KCNK9: variants seen among roughly 807,000 people sequenced by gnomAD.
KCNK9 encodes the protein potassium channel subfamily K member 9.
A neutral mutation model predicts 10.8 loss-of-function variants in KCNK9; 1 was observed. That is an observed-to-expected ratio of 0.09 (90% CI 0.03 to 0.44). The LOEUF (loss-of-function observed/expected upper bound fraction) is 0.44. Among genes scored for constraint, KCNK9 ranks in the 20% least tolerant of loss-of-function variants. The pLI, the probability that KCNK9 is intolerant of heterozygous loss-of-function variation, is 0.97. For missense variants in KCNK9, 303 were observed against 515.0 expected (o/e 0.59, Z 3.98); for synonymous variants, 231 against 222.7 (o/e 1.04, Z -0.33).
Position 139,687,491 on chromosome 8 carries a change from C to CATATATATGTGTAT in KCNK9, c.283+15218_283+15219insATACACATATATAT, listed in dbSNP as rs1563751878. On this transcript the variant is annotated intron_variant, in intron 1 of 1. Coordinates refer to ENST00000520439, the MANE Select transcript of KCNK9 (RefSeq NM_001282534.2). ...ATTCATATATATGTATACATATATA[C>CATATATATGTGTAT]ACATATATACATATATATGTATACA... 2.7e-3 allele frequency among the ~76,000 whole-genome samples: 87 copies of CATATATATGTGTAT among 32,036 alleles called. 17 individuals are homozygous for CATATATATGTGTAT. The highest frequency in any genetic ancestry group is 4.2e-3 in the Non-Finnish European group (55 of 13,040). The allele number at this position is 32,036 out of a possible 152,430, so 21.0% of individuals were successfully genotyped here.
chr8:139,601,276 TTTAAG>T (rs1817361536), exon 3 of KCNK9: 1 of 152,244 alleles, frequency 6.6e-6, no homozygotes, highest in Non-Finnish European at 1.5e-5. Context: ...TGGCCCGGCC[TTTAAG>T]AGGTTGTCTG....
intron 1 of KCNK9, among the ~76,000 whole-genome samples, chr8:139,669,184 C>T (rs993250271): frequency 5.9e-5 from 9 of 151,826 alleles, no homozygotes; most frequent in Non-Finnish European, 7.4e-5. Flanking sequence ...GGTGAAAAGT[C>T]TTGTCTTCAT....
intron 1 of KCNK9, among the ~76,000 whole-genome samples, chr8:139,694,222 C>G (rs981081906): frequency 6.6e-6 from 1 of 152,198 alleles, no homozygotes; most frequent in African/African-American, 2.4e-5. Flanking sequence ...CAAGAGTGGA[C>G]AGAGCACAAC....
rs1816829895 is a variant in KCNK9, at chr8:139,687,502, A to ATATATTCG, written c.283+15207_283+15208insCGAATATA. 2.9e-4 allele frequency among the ~76,000 whole-genome samples: 11 copies of ATATATTCG among 37,550 alleles called. 3 individuals are homozygous for ATATATTCG. Among genetic ancestry groups the ATATATTCG allele is most frequent in the African/African-American group, 7.6e-4 (10 of 13,104 alleles). The allele number at this position is 37,550 out of a possible 152,430, so 24.6% of individuals were successfully genotyped here. A position where few individuals can be genotyped will look rare whatever the true frequency, so the allele number is the denominator to read the frequency against. ...TGTATACATATATACACATATATAC[A>ATATATTCG]TATATATGTATACACATATATTCAT... On this transcript the variant is annotated intron_variant, in intron 1 of 1. Coordinates refer to ENST00000520439, the MANE Select transcript of KCNK9 (RefSeq NM_001282534.2).
intron 1 of KCNK9, among the ~76,000 whole-genome samples, chr8:139,649,628 C>T (rs1435589480): frequency 3.9e-5 from 6 of 152,204 alleles, no homozygotes; most frequent in African/African-American, 7.2e-5. Flanking sequence ...ATACACTCCC[C>T]TGCTCAAAAG....
intron 1 of KCNK9, among the ~76,000 whole-genome samples, chr8:139,683,358 C>T (rs1049443711): frequency 5.3e-5 from 8 of 152,192 alleles, no homozygotes; most frequent in African/African-American, 1.9e-4. Context: ...GCTGTTCTCA[C>T]TCTGAGGTGC....
At chr8:139,686,480 A>G (rs969478331) in intron 1 of KCNK9, among the ~76,000 whole-genome samples, 2 of 152,252 alleles carry the variant, frequency 1.3e-5, no homozygotes, top group Admixed American at 6.5e-5. Context: ...TCTCGAAAGA[A>G]GACATTTATG....
At chr8:139,670,784 T>C (rs992300773) in intron 1 of KCNK9, among the ~76,000 whole-genome samples, 8 of 152,308 alleles carry the variant, frequency 5.3e-5, no homozygotes, top group Middle Eastern at 3.4e-3. Context: ...TAATTATGTA[T>C]TATTGATGTG....
chr8:139,679,040 A>G (rs80199366), intron 1 of KCNK9, among the ~76,000 whole-genome samples: 41 of 152,222 alleles, frequency 2.7e-4, no homozygotes, highest in African/African-American at 9.4e-4. Flanking sequence ...GTTTTTTTTA[A>G]CAGCCCACTT....
chr8:139,634,158 G>C (rs757772058), intron 1 of KCNK9, among the ~76,000 whole-genome samples: 6 of 152,224 alleles, frequency 3.9e-5, no homozygotes, highest in Non-Finnish European at 7.3e-5. Flanking sequence ...CCTACTACTT[G>C]GTTTCCTTAG....
intron 1 of KCNK9, among the ~76,000 whole-genome samples, chr8:139,649,697 C>T (rs972674649): frequency 6.6e-6 from 1 of 152,242 alleles, no homozygotes; most frequent in Admixed American, 6.5e-5. Flanking sequence ...GGCAGCACTG[C>T]CTGGCTTCCC....
rs1353953899 is a variant in KCNK9, at chr8:139,673,918, A to C, written c.283+28792T>G. Among the ~76,000 whole-genome samples the C allele has an allele frequency of 2.0e-5, 3 of 151,980 alleles. No homozygotes were observed. In the East Asian group the frequency reaches 5.8e-4, roughly 30 times the overall value. ...GGACCTCTCCTCCTCCTGGAACCAG[A>C]GCTGACGGCTCCAGCCACGGCAGCC... is the stretch of plus-strand genomic sequence containing the variant. On this transcript the variant is annotated intron_variant, in intron 1 of 1. Coordinates refer to ENST00000520439, the MANE Select transcript of KCNK9 (RefSeq NM_001282534.2).
At chr8:139,646,210 A>T (rs960425352) in intron 1 of KCNK9, among the ~76,000 whole-genome samples, 1 of 152,230 alleles carries the variant, frequency 6.6e-6, no homozygotes, top group Admixed American at 6.5e-5. Context: ...ACCCCTCAGG[A>T]AACACTGTGG....
At chr8:139,634,398 C>T (rs537649518) in intron 1 of KCNK9, among the ~76,000 whole-genome samples, 1 of 152,290 alleles carries the variant, frequency 6.6e-6, no homozygotes, top group East Asian at 1.9e-4. Context: ...CCACAGCCTC[C>T]CTAGCCTCTT....
downstream of KCNK9, among the ~76,000 whole-genome samples, chr8:139,608,199 G>C (rs1378921486): frequency 6.6e-6 from 1 of 152,192 alleles, no homozygotes; most frequent in Non-Finnish European, 1.5e-5. Context: ...TCACCACACT[G>C]AGGGAGGTGC....
At chr8:139,609,106 A>ACCCCATCCCGCCCCACCCCG (rs74962235), downstream of KCNK9, among the ~76,000 whole-genome samples, 1 of 123,852 alleles carries the variant, frequency 8.1e-6, no homozygotes, top group Non-Finnish European at 1.7e-5. Flanking sequence ...GACCCATCCC[A>ACCCCATCCCGCCCCACCCCG]CCCCACCCCG....
At chr8:139,651,712 G>T (rs1334544388) in intron 1 of KCNK9, among the ~76,000 whole-genome samples, 1 of 152,122 alleles carries the variant, frequency 6.6e-6, no homozygotes, top group Non-Finnish European at 1.5e-5. Flanking sequence ...CTGGGGTTGG[G>T]GTTTAAAATA....
At chr8:139,625,473 G>C (rs1039751276) in intron 1 of KCNK9, among the ~76,000 whole-genome samples, 1 of 152,236 alleles carries the variant, frequency 6.6e-6, no homozygotes, top group Admixed American at 6.5e-5. Context: ...CAGCATGGAG[G>C]AGAAGGCAGC....
intron 1 of KCNK9, among the ~76,000 whole-genome samples, chr8:139,663,800 C>T (rs989057170): frequency 3.9e-5 from 6 of 152,090 alleles, no homozygotes; most frequent in Non-Finnish European, 7.4e-5. Context: ...CCCAGCCAGT[C>T]CCCAGAAATG....
Sources: gnomAD v4.1 joint callset for allele counts (sites outside exome capture counted in the v4.1 genomes callset) on GRCh38, gnomAD v4.1.1 for gene constraint, MANE v1.5 for transcripts, NCBI Gene and HGNC (gene_info 2026-07-23, HGNC 2026-07-21) for gene names.